Variants in RYR3 observed in about 807,000 individuals in gnomAD.
RYR3 encodes ryanodine receptor 3.
RYR3 carries 207 observed loss-of-function variants against 584.3 expected under a neutral mutation model. The observed-to-expected ratio is 0.35, with a 90% CI of 0.32 to 0.40. The LOEUF (loss-of-function observed/expected upper bound fraction) is 0.40, where lower values mean the gene tolerates loss of function less well. Ranked by LOEUF, RYR3 falls within the 10% of genes least tolerant of loss-of-function variation. RYR3 has a pLI of 1.00. For synonymous variants in RYR3, 2,416 were observed against 2,248.5 expected (o/e 1.07, Z -2.11); for missense variants, 5,616 against 6,089.2 (o/e 0.92, Z 2.59).
intron 1 of RYR3, among the ~76,000 whole-genome samples, chr15:33,343,844 C>G (rs1249505405): frequency 6.6e-6 from 1 of 152,162 alleles, no homozygotes; most frequent in Non-Finnish European, 1.5e-5. Context: ...TGAGTTGCTC[C>G]TAGCTTGAGA....
In RYR3 at chr15:33,857,409, G is replaced by A. The variant is rs191156330; in HGVS notation, c.14008-371G>A. Reference sequence around the variant, plus strand: ...TAAGGATGCCGGTGAGATTGGTTGCGGGCCCATCTTAACAACCTCAGTTTA... The same window carrying A: ...TAAGGATGCCGGTGAGATTGGTTGCAGGCCCATCTTAACAACCTCAGTTTA... On this transcript the variant is annotated intron_variant, in intron 98 of 103. Transcript: ENST00000634891. Among the ~76,000 whole-genome samples the A allele has an allele frequency of 5.3e-5, 7 of 132,308 alleles. No homozygotes were observed. In the East Asian group the frequency reaches 9.7e-4, roughly 18 times the overall value. The allele number at this position is 132,308 out of a possible 152,430, so 86.8% of individuals were successfully genotyped here.
intron 1 of RYR3, among the ~76,000 whole-genome samples, chr15:33,416,877 G>C (rs1300953105): frequency 3.3e-5 from 5 of 152,212 alleles, no homozygotes; most frequent in South Asian, 4.1e-4. Context: ...TATGGTGAGA[G>C]GTAGGAATCC....
chr15:33,712,365 A>G (rs996473693), intron 43 of RYR3, among the ~76,000 whole-genome samples: 8 of 152,190 alleles, frequency 5.3e-5, no homozygotes, highest in Admixed American at 5.2e-4. Context: ...GAGCCTAGGT[A>G]TGTTGAGAGA....
chr15:33,641,070 G>A (rs928665885), intron 27 of RYR3, among the ~76,000 whole-genome samples: 8 of 152,214 alleles, frequency 5.3e-5, no homozygotes, highest in African/African-American at 7.2e-5. Flanking sequence ...GGCCTGGAGC[G>A]TGTTGTGGTT....
At chr15:33,555,546 C>T (rs997887340) in intron 10 of RYR3, among the ~76,000 whole-genome samples, 29 of 152,056 alleles carry the variant, frequency 1.9e-4, no homozygotes, top group African/African-American at 6.8e-4. Context: ...CCTTGGGCTT[C>T]GAAGTGGAAG....
intron 38 of RYR3, among the ~76,000 whole-genome samples, chr15:33,691,722 T>C (rs1300605525): frequency 6.6e-6 from 1 of 152,246 alleles, no homozygotes; most frequent in Admixed American, 6.5e-5. Context: ...TCACAGAGGA[T>C]ATTTTAAAGA....
intron 67 of RYR3, among the ~76,000 whole-genome samples, chr15:33,795,359 T>C (rs2152924541): frequency 6.6e-6 from 1 of 151,424 alleles, no homozygotes; most frequent in South Asian, 2.1e-4. Context: ...TCAAGAAGTA[T>C]TAAACAAGTC....
At position 33,669,339 on chromosome 15, in the gene RYR3, T is replaced by G; in HGVS notation, c.5620-15T>G. The G allele has an allele frequency of 6.2e-7, 1 of 1,611,358 alleles. No homozygotes were observed. The highest frequency in any genetic ancestry group is 8.5e-7 in the Non-Finnish European group (1 of 1,177,548). On this transcript the variant is annotated splice_polypyrimidine_tract_variant and intron_variant, in intron 36 of 103. Coordinates refer to ENST00000634891, the MANE Select transcript of RYR3 (RefSeq NM_001036.6). Reference sequence around the variant, plus strand: ...ATTGAGAACCAACTAGCTATTCTTCTCTTGCCTCTCAAAGATCAACATGCT... The same window carrying G: ...ATTGAGAACCAACTAGCTATTCTTCGCTTGCCTCTCAAAGATCAACATGCT...
chr15:33,838,199 C>T lies in RYR3; in HGVS notation c.12219C>T (p.Val4073=), dbSNP rs769886500. 50 of 1,613,846 alleles carry T rather than the reference C, an allele frequency of 3.1e-5. No homozygotes were observed. The highest frequency in any genetic ancestry group is 1.7e-6 in the Non-Finnish European group (2 of 1,179,890). The change falls in exon 89 of 104, where the codon GTC becomes GTT. Residue 4073 remains valine (V), a synonymous_variant. Transcript: ENST00000634891. ...ESKRQFIFDV[V]NEGGEQEKME... ...AGCGACAGTTCATTTTTGATGTTGT[C>T]AATGAAGGTGGGGAGCAGGAAAAGA...
At chr15:33,477,172 C>A (rs1022717673) in intron 2 of RYR3, among the ~76,000 whole-genome samples, 1 of 152,008 alleles carries the variant, frequency 6.6e-6, no homozygotes, top group African/African-American at 2.4e-5. Flanking sequence ...CAGAGCCTAC[C>A]GGTGACCTTG....
In RYR3 at chr15:33,318,240, C is replaced by T. The variant is rs573855354; in HGVS notation, c.51+7144C>T. The stretch of plus-strand genomic sequence containing the variant: ...GTAAGTGGTTTTATGCTATAGGAAC[C>T]AGCCAGTATTATGAGCAAGGCAGCA... On this transcript the variant is annotated intron_variant, in intron 1 of 103. Transcript: ENST00000634891. Among the ~76,000 whole-genome samples, 3 of 152,294 alleles carry T rather than the reference C, an allele frequency of 2.0e-5. No individual in the cohort carries two copies. In the South Asian group the frequency reaches 6.2e-4, roughly 32 times the overall value.
chr15:33,677,997 G>A (rs966175700), intron 38 of RYR3, among the ~76,000 whole-genome samples: 9 of 152,158 alleles, frequency 5.9e-5, no homozygotes, highest in South Asian at 2.1e-4. Context: ...CAATTGAAGC[G>A]TTGCTTTGCC....
rs1201720336 is a variant in RYR3, at chr15:33,844,711, A to G, written c.13297-151A>G. The G allele has an allele frequency of 4.6e-6, 3 of 657,838 alleles. No individual in the cohort carries two copies. In the East Asian group the frequency reaches 8.2e-5, roughly 18 times the overall value. The allele number at this position is 657,838 out of a possible 1,614,324, so 40.8% of individuals were successfully genotyped here. A position where few individuals can be genotyped will look rare whatever the true frequency, so the allele number is the denominator to read the frequency against. ...TAGAGATACTGGGTGATTCCTAGTAATAAGTCACCTAAAAACCTCATTCAT... is the reference window on the plus strand; with the variant it reads ...TAGAGATACTGGGTGATTCCTAGTAGTAAGTCACCTAAAAACCTCATTCAT... On this transcript the variant is annotated intron_variant, in intron 92 of 103. Transcript: ENST00000634891.
intron 41 of RYR3, among the ~76,000 whole-genome samples, chr15:33,700,076 G>T (rs557158662): frequency 1.1e-4 from 17 of 152,348 alleles, no homozygotes; most frequent in African/African-American, 4.1e-4. Context: ...TAGTCGTACA[G>T]TTTTACCTCA....
Position 33,333,536 on chromosome 15 carries a change from G to C in RYR3, c.51+22440G>C, listed in dbSNP as rs140278846. ...GCTCTCAATAAACTAGGTATTGAAG[G>C]AACATACCTCAAAATAATAAGAGCC... is the stretch of plus-strand genomic sequence containing the variant. On this transcript the variant is annotated intron_variant, in intron 1 of 103. Transcript: ENST00000634891. 7.4e-3 allele frequency among the ~76,000 whole-genome samples: 1,121 copies of C among 152,132 alleles called. 14 individuals are homozygous for C. The highest frequency in any genetic ancestry group is 0.026 in the African/African-American group (1,064 of 41,492).
intron 1 of RYR3, among the ~76,000 whole-genome samples, chr15:33,428,004 C>T (rs1485047508): frequency 6.6e-6 from 1 of 152,190 alleles, no homozygotes; most frequent in Non-Finnish European, 1.5e-5. Flanking sequence ...CTGACCTGAC[C>T]TCTTCTCCCT....
At chr15:33,501,447 G>C (rs2051982582) in intron 2 of RYR3, among the ~76,000 whole-genome samples, 3 of 152,110 alleles carry the variant, frequency 2.0e-5, no homozygotes, top group Non-Finnish European at 4.4e-5. Flanking sequence ...TTGTAAAAGT[G>C]GGCATTAATG....
chr15:33,660,447 A>AGGGGCAGGCCTGAGGGGCAGGT (rs2152703287), intron 34 of RYR3, 24 bp downstream of exon 34: 1 of 1,505,630 alleles, frequency 6.6e-7, no homozygotes, highest in East Asian at 2.5e-5. Flanking sequence ...CCGCGAAGGA[A>AGGGGCAGGCCTGAGGGGCAGGT]GGGGCAGGCC....
At chr15:33,392,102 C>A (rs886860938) in intron 1 of RYR3, among the ~76,000 whole-genome samples, 1 of 151,636 alleles carries the variant, frequency 6.6e-6, no homozygotes, top group South Asian at 2.1e-4. Flanking sequence ...CCGTTTCCCC[C>A]ATTTGATCGT....
Sources: allele counts gnomAD v4.1 joint callset (sites outside exome capture counted in the v4.1 genomes callset), GRCh38; gene constraint gnomAD v4.1.1; transcripts MANE v1.5; gene names NCBI Gene and HGNC (gene_info 2026-07-23, HGNC 2026-07-21).